Variants in DAAM2 observed in about 807,000 individuals in gnomAD.
The protein encoded by DAAM2 is disheveled-associated activator of morphogenesis 2.
In DAAM2, 39 loss-of-function variants were observed where a neutral mutation model predicts 120.7. That is an observed-to-expected ratio of 0.32 (90% CI 0.25 to 0.42). The LOEUF (loss-of-function observed/expected upper bound fraction) is 0.42. Ranked by LOEUF, DAAM2 falls within the 10% of genes least tolerant of loss-of-function variation. DAAM2 has a pLI of 1.00. For synonymous variants in DAAM2, 488 were observed against 524.9 expected, an observed-to-expected ratio of 0.93 and a Z score of 0.96; for missense variants, 1,283 against 1,401.7, an observed-to-expected ratio of 0.92 and a Z score of 1.35.
intron 23 of DAAM2, 55 bp downstream of exon 23, chr6:39,900,263 C>A: frequency 6.3e-7 from 1 of 1,582,218 alleles, no homozygotes; most frequent in Non-Finnish European, 8.6e-7. Context: ...TAAACAAGCT[C>A]CTTCACCCAT....
chr6:39,849,760 G>A (rs1763736178), intron 1 of DAAM2, among the ~76,000 whole-genome samples: 1 of 152,168 alleles, frequency 6.6e-6, no homozygotes, highest in African/African-American at 2.4e-5. Context: ...GAGGCTTGGG[G>A]TGGAAGCAGG....
chr6:39,884,404 G>A (rs564041313), intron 15 of DAAM2: 16 of 222,062 alleles, frequency 7.2e-5, no homozygotes, highest in Non-Finnish European at 1.3e-4. Flanking sequence ...CTGGAGCATC[G>A]GAGGTAGAGT....
chr6:39,874,937 A>C (rs1764809327), intron 10 of DAAM2, among the ~76,000 whole-genome samples: 1 of 152,210 alleles, frequency 6.6e-6, no homozygotes, highest in Non-Finnish European at 1.5e-5. Context: ...TTTTTAAAAA[A>C]AACTTCCCTG....
At chr6:39,865,206 T>G in intron 5 of DAAM2, 132 bp downstream of exon 5, 1 of 649,218 alleles carries the variant, frequency 1.5e-6, no homozygotes, top group Non-Finnish European at 2.9e-6. Flanking sequence ...CTGACTTCAC[T>G]TCCCAGCCCC....
At chr6:39,898,804 C>CCCTGAA in intron 21 of DAAM2, 73 bp from the exon 22 acceptor site, 1 of 1,346,564 alleles carries the variant, frequency 7.4e-7, no homozygotes, top group South Asian at 1.2e-5. Flanking sequence ...TCTGCCCTCT[C>CCCTGAA]CCTGAACCAG....
chr6:39,824,766 A>G (rs796868814), intron 1 of DAAM2, among the ~76,000 whole-genome samples: 5 of 152,238 alleles, frequency 3.3e-5, no homozygotes, highest in South Asian at 2.1e-4. Context: ...CGGAAGTCGC[A>G]TGGTTGGGAA....
At chr6:39,832,677 C>T (rs867849258) in intron 1 of DAAM2, among the ~76,000 whole-genome samples, 1 of 152,218 alleles carries the variant, frequency 6.6e-6, no homozygotes, top group South Asian at 2.1e-4. Context: ...CAGTGCCCCT[C>T]CCCTGAATGG....
Position 39,879,588 on chromosome 6 carries a change from T to A in DAAM2, c.1845+111T>A. ...TCTCCACTCTGGGTCCTTTCTTTGG[T>A]GGGGGGTAAGGGCAGTCATGTGGAT... On this transcript the variant is annotated intron_variant, in intron 14 of 24. Transcript: ENST00000274867. 3 of 1,457,530 alleles carry A rather than the reference T, an allele frequency of 2.1e-6. No homozygotes were observed. In the East Asian group the frequency reaches 6.8e-5, roughly 33 times the overall value. The allele number at this position is 1,457,530 out of a possible 1,614,324, so 90.3% of individuals were successfully genotyped here. A position where few individuals can be genotyped will look rare whatever the true frequency, so the allele number is the denominator to read the frequency against.
At chr6:39,864,401 G>A in intron 3 of DAAM2, 32 bp from the exon 4 acceptor site, 3 of 1,588,478 alleles carry the variant, frequency 1.9e-6, no homozygotes, top group Non-Finnish European at 2.6e-6. Context: ...TGTCTTGCCT[G>A]TTGGTCCATG....
At chr6:39,798,980 GC>G in intron 1 of DAAM2, among the ~76,000 whole-genome samples, 1 of 152,162 alleles carries the variant, frequency 6.6e-6, no homozygotes, top group Non-Finnish European at 1.5e-5. Flanking sequence ...ACGCCTGGAA[GC>G]CAAACCATAT....
chr6:39,833,555 G>A (rs182666611), intron 1 of DAAM2, among the ~76,000 whole-genome samples: 3 of 152,272 alleles, frequency 2.0e-5, no homozygotes, highest in Admixed American at 2.0e-4. Flanking sequence ...TGATCCACCT[G>A]CTTCAGCCTC....
intron 9 of DAAM2, among the ~76,000 whole-genome samples, chr6:39,872,361 C>G (rs1489479887): frequency 6.6e-6 from 1 of 152,140 alleles, no homozygotes; most frequent in Non-Finnish European, 1.5e-5. Flanking sequence ...GTGGAAGCCT[C>G]CCCCGGGAAG....
At chr6:39,805,310 A>G (rs1761977238) in intron 1 of DAAM2, among the ~76,000 whole-genome samples, 1 of 152,170 alleles carries the variant, frequency 6.6e-6, no homozygotes, top group Non-Finnish European at 1.5e-5. Flanking sequence ...CCTCATCTGT[A>G]AAATGGTGAT....
In DAAM2 at chr6:39,870,435, C is replaced by T. The variant is rs774613617; in HGVS notation, c.969C>T (p.Ile323=). 28 of 1,569,846 alleles carry T rather than the reference C, an allele frequency of 1.8e-5. No homozygotes were observed. The highest frequency in any genetic ancestry group is 2.3e-5 in the Non-Finnish European group (27 of 1,154,630). Reference sequence around the variant, plus strand: ...AGCTCCGGCAACATGAAAATGCCATCCTGGACAAGTAAGTTCCAAGCACCC... The same window carrying T: ...AGCTCCGGCAACATGAAAATGCCATTCTGGACAAGTAAGTTCCAAGCACCC... ...IDKLRQHENA[I]LDKHLDFFEM... is the part of the protein sequence containing the mutation. The change falls in exon 8 of 25, where the codon ATC becomes ATT. Residue 323 remains isoleucine (I), a synonymous_variant. Coordinates refer to ENST00000274867, the MANE Select transcript of DAAM2 (RefSeq NM_001201427.2).
intron 1 of DAAM2, among the ~76,000 whole-genome samples, chr6:39,825,898 T>C (rs953291135): frequency 2.3e-4 from 35 of 152,260 alleles, no homozygotes; most frequent in African/African-American, 8.2e-4. Context: ...TCCTGCTCTA[T>C]CATTGCTAAA....
At chr6:39,899,859 T>C (rs1164868251) in intron 22 of DAAM2, 8 of 456,450 alleles carry the variant, frequency 1.8e-5, no homozygotes, top group African/African-American at 4.0e-5. Flanking sequence ...CCAGGTCACA[T>C]GTTGGGTCTC....
chr6:39,882,270 A>G (rs1765154931), intron 14 of DAAM2: 1 of 151,818 alleles, frequency 6.6e-6, no homozygotes, highest in Non-Finnish European at 1.5e-5. Context: ...CCTCAGTTAT[A>G]CCTCCTCGAA....
In DAAM2 at chr6:39,878,494, A is replaced by G; in HGVS notation, c.1451A>G (p.Asn484Ser). ...AAGGAAGAGATGATGCGGACGCTGA[A>G]CAAAATGAAGGACAAGCTGGCCCGG... ...LEKEEMMRTL[N>S]KMKDKLARES... The change falls in exon 13 of 25, where the codon AAC becomes AGC. Residue 484 changes from asparagine (N) to serine (S), a missense_variant. Physicochemically the swap from Asn to Ser is conservative, Grantham distance 46. Coordinates refer to ENST00000274867, the MANE Select transcript of DAAM2 (RefSeq NM_001201427.2). The surrounding 1 kb of genome is among the most constrained non-coding windows in gnomAD (Gnocchi z 5.0). 2 of 1,611,100 alleles carry G rather than the reference A, an allele frequency of 1.2e-6. No homozygotes were observed. Among genetic ancestry groups the G allele is most frequent in the South Asian group, 2.2e-5 (2 of 90,272 alleles).
chr6:39,823,508 C>A (rs986855121), intron 1 of DAAM2, among the ~76,000 whole-genome samples: 1 of 152,200 alleles, frequency 6.6e-6, no homozygotes, highest in African/African-American at 2.4e-5. Flanking sequence ...TGACCTCAAG[C>A]AAACTTGCTC....
Sources: allele counts gnomAD v4.1 joint callset (sites outside exome capture counted in the v4.1 genomes callset), GRCh38; gene constraint gnomAD v4.1.1; non-coding constraint Gnocchi (gnomAD v3.1); transcripts MANE v1.5; gene names NCBI Gene and HGNC (gene_info 2026-07-23, HGNC 2026-07-21).